Variants in RNF168 observed in about 807,000 individuals in gnomAD.
The protein encoded by RNF168 is ring finger protein 168.
RNF168 carries 34 observed loss-of-function variants against 34.9 expected under a neutral mutation model. The ratio of observed to expected loss-of-function variants is 0.97; its 90% CI spans 0.74 to 1.30. RNF168 has a LOEUF of 1.30. Among genes scored for constraint, RNF168 ranks in the 50% most tolerant of loss-of-function variants. RNF168 has a pLI of 0.00. For missense variants in RNF168, 725 were observed against 682.5 expected (o/e 1.06, Z -0.69); for synonymous variants, 264 against 254.7 (o/e 1.04, Z -0.35).
intron 4 of RNF168, among the ~76,000 whole-genome samples, chr3:196,478,629 T>C (rs1428145250): frequency 6.6e-6 from 1 of 152,080 alleles, no homozygotes; most frequent in African/African-American, 2.4e-5. Flanking sequence ...AAATATGATT[T>C]CTATGAAATA....
At chr3:196,481,966 T>G (rs771711707) in intron 4 of RNF168, among the ~76,000 whole-genome samples, 5 of 148,442 alleles carry the variant, frequency 3.4e-5, no homozygotes, top group Middle Eastern at 3.4e-3. Context: ...CCCTGGCTTT[T>G]TTTTTTTTTT....
At position 196,483,517 on chromosome 3, in the gene RNF168, G is replaced by A. The variant is rs187052691; in HGVS notation, c.680+253C>T. ...AAACCAAGAGAAAGAGGAATCCAAT[G>A]GTTCACTTTGAGAAAACTGGAAATC... On this transcript the variant is annotated intron_variant, in intron 4 of 5. Transcript: ENST00000318037. 2.5e-4 allele frequency among the ~76,000 whole-genome samples: 38 copies of A among 152,220 alleles called. No individual in the cohort carries two copies. In the East Asian group the frequency reaches 7.1e-3, roughly 29 times the overall value.
Position 196,503,329 on chromosome 3 carries a change from T to A in RNF168, c.-156A>T, listed in dbSNP as rs1039063674. 9 of 718,810 alleles carry A rather than the reference T, an allele frequency of 1.3e-5. No individual in the cohort carries two copies. 44.5% of individuals were successfully genotyped at this position (718,810 alleles called of 1,614,324 possible). On this transcript the variant is annotated 5_prime_UTR_variant, in exon 1 of 6. An upstream open reading frame in the 5' UTR gains an earlier in-frame stop. Coordinates refer to ENST00000318037, the MANE Select transcript of RNF168 (RefSeq NM_152617.4). ...GAGAACAGGAGCATCCAACACGTCT[T>A]GAAGCAAAAAGGCGCTCTCAGGGTC...
At chr3:196,473,223 T>C (rs2108644381) in intron 5 of RNF168, among the ~76,000 whole-genome samples, 1 of 152,314 alleles carries the variant, frequency 6.6e-6, no homozygotes, top group Admixed American at 6.5e-5. Context: ...GGTTTTTAAC[T>C]CTTTTCTCTA....
Position 196,471,946 on chromosome 3 carries a change from G to C in RNF168, c.1589C>G (p.Ser530Ter), listed in dbSNP as rs764209444. ...QVSLKMQLKQ[S>*]VNRRKMPNST... ...ATTTGGCATCTTTCTTCTATTAACT[G>C]ACTGCTTCAACTGCATCTTTAAAGA... is the stretch of plus-strand genomic sequence containing the variant. Residue 530 changes from serine to a stop codon, truncating the protein, a stop_gained, in exon 6 of 6, where the codon TCA becomes TGA. Coordinates refer to ENST00000318037, the MANE Select transcript of RNF168 (RefSeq NM_152617.4). LOFTEE classifies it high-confidence loss of function. 9 of 1,613,798 alleles carry C rather than the reference G, an allele frequency of 5.6e-6. No homozygotes were observed. The Admixed American group carries it at 1.5e-4, about 27-fold the overall frequency.
chr3:196,494,749 C>G (rs1732695667), intron 1 of RNF168, among the ~76,000 whole-genome samples: 1 of 152,118 alleles, frequency 6.6e-6, no homozygotes, highest in African/African-American at 2.4e-5. Flanking sequence ...CAATCAGGGG[C>G]AAAGTGCTCA....
intron 1 of RNF168, among the ~76,000 whole-genome samples, chr3:196,502,439 T>C (rs567185748): frequency 6.6e-6 from 1 of 151,488 alleles, no homozygotes; most frequent in East Asian, 1.9e-4. Context: ...AACAGAAAAA[T>C]TCCCCGGGCG....
intron 1 of RNF168, among the ~76,000 whole-genome samples, chr3:196,490,534 T>C (rs1300604004): frequency 6.6e-6 from 1 of 152,058 alleles, no homozygotes; most frequent in Non-Finnish European, 1.5e-5. Flanking sequence ...TAAAGAGCCC[T>C]GACTTCGCCA....
rs750292634 is a variant in RNF168, at chr3:196,503,048, C to T, written c.126G>A (p.Ser42=). ...NHTLCKPCFQ[S]TVEKASLCCP... The stretch of plus-strand genomic sequence containing the variant: ...AGCATAAACTCGCCTTTTCGACGGT[C>T]GACTGGAAGCACGGTTTACACAGCG... Residue 42 remains serine (S), a synonymous_variant, in exon 1 of 6, where the codon TCG becomes TCA. Coordinates refer to ENST00000318037, the MANE Select transcript of RNF168 (RefSeq NM_152617.4). 6 of 1,613,984 alleles carry T rather than the reference C, an allele frequency of 3.7e-6. No individual in the cohort carries two copies. The highest frequency in any genetic ancestry group is 1.7e-5 in the Admixed American group (1 of 60,000).
intron 4 of RNF168, among the ~76,000 whole-genome samples, chr3:196,478,559 A>G (rs1048693685): frequency 2.0e-5 from 3 of 152,176 alleles, no homozygotes; most frequent in African/African-American, 7.2e-5. Context: ...TCCTTTGCTC[A>G]ATTAAACTCT....
chr3:196,495,093 C>T (rs961077329), intron 1 of RNF168, among the ~76,000 whole-genome samples: 2 of 152,138 alleles, frequency 1.3e-5, no homozygotes, highest in Admixed American at 1.3e-4. Context: ...TTCAAATCTA[C>T]AGAAATTGCA....
intron 1 of RNF168, among the ~76,000 whole-genome samples, chr3:196,496,620 G>A (rs1310429450): frequency 6.6e-6 from 1 of 152,226 alleles, no homozygotes; most frequent in East Asian, 1.9e-4. Context: ...CTGTTTGGAT[G>A]TCAATTCTCC....
rs1732042539 is a variant in RNF168, at chr3:196,472,714, A to AT, written c.820dup (p.Met274AsnfsTer38). ...GGATATCTGTGGAGAAAGTGTCGGC[A>AT]TATCTTCTATTTCTGTGTCTTGCCC... On this transcript the variant is annotated frameshift_variant, in exon 6 of 6. Coordinates refer to ENST00000318037, the MANE Select transcript of RNF168 (RefSeq NM_152617.4). LOFTEE classifies it low-confidence loss of function (END_TRUNC). 6.2e-7 allele frequency: 1 copy of AT among 1,608,076 alleles called. No homozygotes were observed. The highest frequency in any genetic ancestry group is 2.2e-5 in the East Asian group (1 of 44,664).
chr3:196,477,395 G>A (rs1275459278), intron 4 of RNF168, among the ~76,000 whole-genome samples: 6 of 152,190 alleles, frequency 3.9e-5, no homozygotes, highest in Non-Finnish European at 2.9e-5. Flanking sequence ...AGTAGCATAT[G>A]GAACAATCAA....
At chr3:196,497,818 G>A (rs571112720) in intron 1 of RNF168, among the ~76,000 whole-genome samples, 15 of 152,242 alleles carry the variant, frequency 9.9e-5, no homozygotes, top group South Asian at 4.1e-4. Context: ...ATTTCAGCTC[G>A]TCAAAACAAT....
intron 1 of RNF168, among the ~76,000 whole-genome samples, chr3:196,498,761 G>A (rs1474604295): frequency 2.0e-5 from 3 of 152,018 alleles, no homozygotes; most frequent in African/African-American, 4.8e-5. Context: ...TTGGGAGGCC[G>A]AGGCGGGTGG....
At chr3:196,475,025 CTT>C (rs1367888013) in intron 5 of RNF168, 1 of 542,764 alleles carries the variant, frequency 1.8e-6, no homozygotes, top group Non-Finnish European at 3.3e-6. Context: ...TAGAGAAAAA[CTT>C]TGCTTTTTGT....
rs769983714 is a variant in RNF168 at position 196,502,899 on chromosome 3, G to A, written c.275C>T (p.Ala92Val). 2 of 1,614,018 alleles carry A rather than the reference G, an allele frequency of 1.2e-6. No individual in the cohort carries two copies. The highest frequency in any genetic ancestry group is 2.2e-5 in the South Asian group (2 of 91,082). The change falls in exon 1 of 6, where the codon GCG (alanine) becomes GTG (valine). Residue 92 changes from alanine (A) to valine (V), a missense_variant. Transcript: ENST00000318037. ...KHYPRECKLR[A>V]SGQESEEVAD... Reference sequence around the variant, plus strand: ...CACTTCCTCTGATTCTTGGCCAGACGCTCTAAGCTTGCACTCCCTGGGATA... The same window carrying A: ...CACTTCCTCTGATTCTTGGCCAGACACTCTAAGCTTGCACTCCCTGGGATA...
chr3:196,494,015 G>A (rs2108652966), intron 1 of RNF168, among the ~76,000 whole-genome samples: 1 of 151,082 alleles, frequency 6.6e-6, no homozygotes, highest in Admixed American at 6.6e-5. Context: ...ACCACACCCG[G>A]CTAATTTTTG....
Sources: allele counts gnomAD v4.1 joint callset (sites outside exome capture counted in the v4.1 genomes callset), GRCh38; gene constraint gnomAD v4.1.1; transcripts MANE v1.5; gene names NCBI Gene and HGNC (gene_info 2026-07-23, HGNC 2026-07-21).